QRFPR: variants seen among roughly 807,000 people sequenced by gnomAD.
QRFPR encodes pyroglutamylated RFamide peptide receptor, also known as pyroglutamylated RF-amide peptide receptor.
A neutral mutation model predicts 31.3 loss-of-function variants in QRFPR; 37 were observed. The ratio of observed to expected loss-of-function variants is 1.18; its 90% CI spans 0.91 to 1.56. QRFPR has a LOEUF of 1.56. Ranked by LOEUF, QRFPR falls within the 40% of genes most tolerant of loss-of-function variation. QRFPR has a pLI of 0.00. For synonymous variants in QRFPR, 197 were observed against 192.0 expected (o/e 1.03, Z -0.22); for missense variants, 542 against 532.5 (o/e 1.02, Z -0.18).
chr4:121,330,995 G>C (rs749678500), intron 4 of QRFPR, among the ~76,000 whole-genome samples: 6 of 151,972 alleles, frequency 3.9e-5, no homozygotes, highest in Non-Finnish European at 5.9e-5. Flanking sequence ...GCCAGGTGCA[G>C]TGACTCACGC....
chr4:121,345,390 A>C (rs1000594630), intron 1 of QRFPR, among the ~76,000 whole-genome samples: 1 of 152,180 alleles, frequency 6.6e-6, no homozygotes, highest in African/African-American at 2.4e-5. Flanking sequence ...CTTCCAATAC[A>C]TTCTCTTCTC....
chr4:121,349,404 A>T (rs1319625801), intron 1 of QRFPR, among the ~76,000 whole-genome samples: 1 of 152,184 alleles, frequency 6.6e-6, no homozygotes, highest in East Asian at 1.9e-4. Flanking sequence ...ATAGATATAG[A>T]TACAGATTTG....
Position 121,380,568 on chromosome 4 carries a change from G to A in QRFPR, c.80C>T (p.Ala27Val), listed in dbSNP as rs1223093985. 3 of 1,606,298 alleles carry A rather than the reference G, an allele frequency of 1.9e-6. No homozygotes were observed. The highest frequency in any genetic ancestry group is 2.5e-6 in the Non-Finnish European group (3 of 1,176,542). ...DHNLTREQFI[A>V]LYRLRPLVYT... The stretch of plus-strand genomic sequence containing the variant: ...GACGAGCGGTCGCAGCCGGTACAGA[G>A]CGATGAACTGCTCCCGCGTCAGGTT... The change falls in exon 1 of 6, where the codon GCT becomes GTT. Residue 27 changes from alanine to valine, a missense_variant. Physicochemically the swap from Ala to Val is moderately conservative, Grantham distance 64 (BLOSUM62 0). Transcript: ENST00000394427.
At chr4:121,370,126 C>T in intron 1 of QRFPR, 2 of 766,976 alleles carry the variant, frequency 2.6e-6, no homozygotes, top group East Asian at 2.4e-5. Flanking sequence ...AGACTGGCCT[C>T]TCCTTCCTCC....
chr4:121,376,900 A>G (rs562273170), intron 1 of QRFPR, among the ~76,000 whole-genome samples: 1 of 152,236 alleles, frequency 6.6e-6, no homozygotes, highest in African/African-American at 2.4e-5. Context: ...TTTAATGTGC[A>G]CGTGAAACAA....
intron 1 of QRFPR, among the ~76,000 whole-genome samples, chr4:121,371,836 G>T (rs1291558180): frequency 1.3e-5 from 2 of 152,178 alleles, no homozygotes; most frequent in Non-Finnish European, 2.9e-5. Context: ...CACTACTACA[G>T]TTGTTAGCTT....
At chr4:121,332,762 C>A in intron 4 of QRFPR, 59 bp downstream of exon 4, 1 of 1,323,460 alleles carries the variant, frequency 7.6e-7, no homozygotes, top group Non-Finnish European at 1.1e-6. Flanking sequence ...TGGCAACCAT[C>A]CCTTCCAGCA....
chr4:121,331,905 G>A (rs1725335640), intron 4 of QRFPR, among the ~76,000 whole-genome samples: 1 of 151,966 alleles, frequency 6.6e-6, no homozygotes, highest in South Asian at 2.1e-4. Context: ...CACCCACCTC[G>A]GCCCCCCAAA....
chr4:121,330,783 A>T (rs1450495793), intron 4 of QRFPR, among the ~76,000 whole-genome samples: 1 of 152,170 alleles, frequency 6.6e-6, no homozygotes, highest in Non-Finnish European at 1.5e-5. Context: ...TAATTTACCC[A>T]ATAAGGCATT....
intron 3 of QRFPR, among the ~76,000 whole-genome samples, chr4:121,335,868 T>C (rs560579110): frequency 2.0e-5 from 3 of 152,304 alleles, no homozygotes; most frequent in South Asian, 4.1e-4. Flanking sequence ...TCATTCATGA[T>C]ATTTCACCAA....
rs1725269718 is a variant in QRFPR at position 121,329,090 on chromosome 4, A to T, written c.*224T>A. 3 of 417,534 alleles carry T rather than the reference A, an allele frequency of 7.2e-6. No homozygotes were observed. Among genetic ancestry groups the T allele is most frequent in the Non-Finnish European group, 1.3e-5 (3 of 238,634 alleles). 25.9% of individuals were successfully genotyped at this position (417,534 alleles called of 1,614,324 possible). A position where few individuals can be genotyped will look rare whatever the true frequency, so the allele number is the denominator to read the frequency against. On this transcript the variant is annotated 3_prime_UTR_variant, in exon 6 of 6. Coordinates refer to ENST00000394427, the MANE Select transcript of QRFPR (RefSeq NM_198179.3). ...TTTTTTAAGGCTAGTCAAGTGAAGC[A>T]GTGGGAATGAGAAGGAACACAGAAA...
At chr4:121,365,561 TATATTATATATA>T (rs1560743755) in intron 1 of QRFPR, among the ~76,000 whole-genome samples, 6 of 5,648 alleles carry the variant, frequency 1.1e-3, no homozygotes, top group Admixed American at 4.7e-3. Context: ...ATATATAATA[TATATTATATATA>T]ATATATATTA....
At chr4:121,334,145 G>T (rs1725389491) in intron 3 of QRFPR, among the ~76,000 whole-genome samples, 1 of 152,164 alleles carries the variant, frequency 6.6e-6, no homozygotes, top group Non-Finnish European at 1.5e-5. Flanking sequence ...AATGACCAGG[G>T]GGTATGGACT....
Position 121,369,791 on chromosome 4 carries a change from T to C in QRFPR, c.340+10517A>G, listed in dbSNP as rs1204703361. 3 of 1,544,134 alleles carry C rather than the reference T, an allele frequency of 1.9e-6. No homozygotes were observed. In the East Asian group the frequency reaches 6.7e-5, roughly 35 times the overall value. The stretch of plus-strand genomic sequence containing the variant: ...AGAAGTGAACCAGCCCCTGGGTCTC[T>C]GCTTAGGTGAAAAGTGAGAAGTGGT... On this transcript the variant is annotated intron_variant, in intron 1 of 5. Coordinates refer to ENST00000394427, the MANE Select transcript of QRFPR (RefSeq NM_198179.3).
chr4:121,336,627 A>G (rs571398106), intron 3 of QRFPR, among the ~76,000 whole-genome samples, 180 bp downstream of exon 3: 1 of 152,360 alleles, frequency 6.6e-6, no homozygotes, highest in South Asian at 2.1e-4. Flanking sequence ...AGGAAGAGCT[A>G]GATAAAACAG....
At chr4:121,331,275 G>A (rs1725320010) in intron 4 of QRFPR, among the ~76,000 whole-genome samples, 1 of 144,582 alleles carries the variant, frequency 6.9e-6, no homozygotes, top group Non-Finnish European at 1.5e-5. Flanking sequence ...GCCTCAACCT[G>A]GGCTCAATAA....
chr4:121,356,278 C>G (rs979200825), intron 1 of QRFPR, among the ~76,000 whole-genome samples: 2 of 152,084 alleles, frequency 1.3e-5, no homozygotes, highest in African/African-American at 4.8e-5. Flanking sequence ...TTATTTCAAT[C>G]TCTTTGTTAA....
At chr4:121,370,064 G>T (rs1477028295) in intron 1 of QRFPR, 16 of 772,186 alleles carry the variant, frequency 2.1e-5, no homozygotes, top group South Asian at 9.4e-5. Flanking sequence ...TTCACCACTG[G>T]GAGCTTGTCC....
intron 1 of QRFPR, among the ~76,000 whole-genome samples, chr4:121,356,562 C>T (rs1023455178): frequency 6.6e-6 from 1 of 152,076 alleles, no homozygotes; most frequent in Non-Finnish European, 1.5e-5. Context: ...AAGGGCTTTC[C>T]ACGTATTCAA....
Sources: gnomAD v4.1 joint callset for allele counts (sites outside exome capture counted in the v4.1 genomes callset) on GRCh38, gnomAD v4.1.1 for gene constraint, MANE v1.5 for transcripts, NCBI Gene and HGNC (gene_info 2026-07-23, HGNC 2026-07-21) for gene names.